The following TMEM72 variants were observed in gnomAD, a reference collection of about 807,000 sequenced individuals.
The protein encoded by TMEM72 is kidney-specific secretory protein of 37 kDa.
A neutral mutation model predicts 16.3 loss-of-function variants in TMEM72; 9 were observed. That is an observed-to-expected ratio of 0.55 (90% CI 0.33 to 0.96). The LOEUF is 0.96. Ranked by LOEUF, TMEM72 falls within the 40% of genes least tolerant of loss-of-function variation. The pLI is 0.03. For missense variants in TMEM72, 324 were observed against 337.8 expected, an observed-to-expected ratio of 0.96 and a Z score of 0.32; for synonymous variants, 160 against 146.5, an observed-to-expected ratio of 1.09 and a Z score of -0.66.
chr10:44,918,848 T>A (rs1432588983), intron 1 of TMEM72, among the ~76,000 whole-genome samples: 1 of 152,060 alleles, frequency 6.6e-6, no homozygotes, highest in African/African-American at 2.4e-5. Context: ...CCTTCTATCA[T>A]ACAATGTGCG....
intron 1 of TMEM72, among the ~76,000 whole-genome samples, chr10:44,915,427 A>G (rs1202989031): frequency 1.3e-5 from 2 of 151,654 alleles, no homozygotes; most frequent in African/African-American, 2.4e-5. Flanking sequence ...CCGAGGCCTG[A>G]TGGAGCGAAG....
At position 44,933,704 on chromosome 10, in the gene TMEM72, T is replaced by C. The variant is rs779400996; in HGVS notation, c.277T>C (p.Phe93Leu). Residue 93 changes from phenylalanine to leucine, a missense_variant, in exon 4 of 5, where the codon TTC becomes CTC. Transcript: ENST00000389583. ...CCACTGGCTGGGCTGCTTCCAGAAGTTCCTGGCCTACCTGCTGCTGTCGGT... is the reference window on the plus strand; with the variant it reads ...CCACTGGCTGGGCTGCTTCCAGAAGCTCCTGGCCTACCTGCTGCTGTCGGT... ...KAHWLGCFQK[F>L]LAYLLLSVAC... is the part of the protein sequence containing the mutation. 5.0e-6 allele frequency: 8 copies of C among 1,613,972 alleles called. No homozygotes were observed. Among genetic ancestry groups the C allele is most frequent in the Non-Finnish European group, 6.8e-6 (8 of 1,179,986 alleles).
At position 44,933,749 on chromosome 10, in the gene TMEM72, G is replaced by T. The variant is rs1840345214; in HGVS notation, c.322G>T (p.Val108Phe). ...GTCGGTGGCCTGCTTCCTCCACCCG[G>T]TCCTGGTCTGGCACGTGACCATCCC... ...LLSVACFLHP[V>F]LVWHVTIPGS... The change falls in exon 4 of 5, where the codon GTC becomes TTC. Residue 108 changes from valine (V) to phenylalanine (F), a missense_variant. Coordinates refer to ENST00000389583, the MANE Select transcript of TMEM72 (RefSeq NM_001123376.3). The T allele has an allele frequency of 6.2e-7, 1 of 1,613,978 alleles. No individual in the cohort carries two copies. Among genetic ancestry groups the T allele is most frequent in the Non-Finnish European group, 8.5e-7 (1 of 1,179,932 alleles).
chr10:44,929,869 C>T (rs962155996), intron 2 of TMEM72, among the ~76,000 whole-genome samples: 1 of 152,272 alleles, frequency 6.6e-6, no homozygotes, highest in Non-Finnish European at 1.5e-5. Flanking sequence ...TGGCATTCTG[C>T]CCTGGCAATT....
At chr10:44,926,228 TACAC>T (rs1041024628) in intron 1 of TMEM72, among the ~76,000 whole-genome samples, 1 of 151,816 alleles carries the variant, frequency 6.6e-6, no homozygotes, top group Non-Finnish European at 1.5e-5. Flanking sequence ...CTCACAAGCC[TACAC>T]ACACACACGT....
chr10:44,933,492 C>T (rs1169894727), intron 3 of TMEM72, 145 bp from the exon 4 acceptor site: 15 of 1,133,278 alleles, frequency 1.3e-5, no homozygotes, highest in Non-Finnish European at 1.7e-5. Context: ...GTGGAACCCA[C>T]ACCAAGGACC....
intron 1 of TMEM72, among the ~76,000 whole-genome samples, chr10:44,918,078 G>A (rs1840038600): frequency 6.6e-6 from 1 of 152,184 alleles, no homozygotes; most frequent in Admixed American, 6.5e-5. Flanking sequence ...CAGGCAAGGA[G>A]AGACAGCTTG....
intron 1 of TMEM72, among the ~76,000 whole-genome samples, chr10:44,925,774 A>G (rs911383812): frequency 2.0e-5 from 3 of 152,228 alleles, no homozygotes; most frequent in African/African-American, 2.4e-5. Flanking sequence ...GGGGATAACA[A>G]GAGTACCTTC....
chr10:44,911,358 C>T lies in TMEM72; in HGVS notation c.-155C>T. ...AGGTGAGCCCTATTCACACCTCGGC[C>T]AGGCTGCGGTGGCCAGGACTGGTTT... is the stretch of plus-strand genomic sequence containing the variant. On this transcript the variant is annotated 5_prime_UTR_variant, in exon 1 of 5. Transcript: ENST00000389583. 1.4e-6 allele frequency: 1 copy of T among 696,504 alleles called. No homozygotes were observed. The highest frequency in any genetic ancestry group is 2.4e-6 in the Non-Finnish European group (1 of 417,536). The allele number at this position is 696,504 out of a possible 1,614,324, so 43.1% of individuals were successfully genotyped here.
At chr10:44,914,004 C>T (rs543341897) in intron 1 of TMEM72, among the ~76,000 whole-genome samples, 14 of 152,310 alleles carry the variant, frequency 9.2e-5, no homozygotes, top group African/African-American at 3.1e-4. Flanking sequence ...TAAGAGGCTA[C>T]AGCCTCTCAT....
chr10:44,922,057 A>G (rs1378670227), intron 1 of TMEM72, among the ~76,000 whole-genome samples: 1 of 152,178 alleles, frequency 6.6e-6, no homozygotes, highest in Non-Finnish European at 1.5e-5. Context: ...TGCCTCCCTA[A>G]TTTTGAGCCC....
At chr10:44,930,297 C>T (rs61854007) in intron 2 of TMEM72, among the ~76,000 whole-genome samples, 30,227 of 152,076 alleles carry the variant, frequency 0.2, 3,171 homozygotes, top group African/African-American at 0.27. Flanking sequence ...TTGATATACC[C>T]CTCTGTCCCA....
At chr10:44,917,793 G>T (rs886223385) in intron 1 of TMEM72, among the ~76,000 whole-genome samples, 1 of 152,166 alleles carries the variant, frequency 6.6e-6, no homozygotes, top group Non-Finnish European at 1.5e-5. Context: ...CTGGAAACCT[G>T]CCATGTGGAT....
At chr10:44,913,114 C>T (rs1051182894) in intron 1 of TMEM72, among the ~76,000 whole-genome samples, 9 of 152,046 alleles carry the variant, frequency 5.9e-5, no homozygotes, top group Admixed American at 2.0e-4. Context: ...CTTTCAGAAC[C>T]ACGTTGTCGT....
chr10:44,922,495 T>C (rs1039313968), intron 1 of TMEM72, among the ~76,000 whole-genome samples: 1 of 152,218 alleles, frequency 6.6e-6, no homozygotes, highest in Non-Finnish European at 1.5e-5. Flanking sequence ...AAAAATATTT[T>C]GTTCCCAGTA....
At chr10:44,934,552 C>A in intron 4 of TMEM72, 104 bp from the exon 5 acceptor site, 3 of 1,186,454 alleles carry the variant, frequency 2.5e-6, no homozygotes, top group African/African-American at 1.5e-5. Flanking sequence ...TGTGAATGGC[C>A]ACACAGCGCC....
chr10:44,921,787 G>A (rs1016725704), intron 1 of TMEM72, among the ~76,000 whole-genome samples: 19 of 152,306 alleles, frequency 1.2e-4, no homozygotes, highest in African/African-American at 4.6e-4. Context: ...CTCAGACTCT[G>A]GGCCTCCCAA....
intron 2 of TMEM72, 62 bp downstream of exon 2, chr10:44,928,049 G>A (rs1564436958): frequency 5.1e-6 from 8 of 1,574,576 alleles, no homozygotes; most frequent in Admixed American, 1.7e-5. Flanking sequence ...CCCTACATCT[G>A]TCTACTCAGA....
rs968635967 is a variant in TMEM72 at position 44,935,153 on chromosome 10, A to G, written c.*19A>G. ...GTTCTGAGCGCTTGCTCCAGCCTGG[A>G]GGACGCTCAGTGAGGGGTCTACCTA... On this transcript the variant is annotated 3_prime_UTR_variant, in exon 5 of 5. Coordinates refer to ENST00000389583, the MANE Select transcript of TMEM72 (RefSeq NM_001123376.3). 5 of 1,546,878 alleles carry G rather than the reference A, an allele frequency of 3.2e-6. No homozygotes were observed. The highest frequency in any genetic ancestry group is 3.5e-6 in the Non-Finnish European group (4 of 1,147,142).
Sources: gnomAD v4.1 joint callset for allele counts (sites outside exome capture counted in the v4.1 genomes callset) on GRCh38, gnomAD v4.1.1 for gene constraint, MANE v1.5 for transcripts, NCBI Gene and HGNC (gene_info 2026-07-23, HGNC 2026-07-21) for gene names.